STK39: variants seen among roughly 807,000 people sequenced by gnomAD.
The protein encoded by STK39 is STE20/SPS1-related proline-alanine-rich protein kinase.
Under a neutral mutation model 77.8 loss-of-function variants are expected in STK39, and 20 were observed. The observed-to-expected ratio is 0.26, with a 90% confidence interval of 0.18 to 0.37. The LOEUF is 0.37. Ranked by LOEUF, STK39 falls within the 10% of genes least tolerant of loss-of-function variation. The probability of loss-of-function intolerance (pLI) is 1.00; values close to 1 mark genes in which losing one functional copy is unlikely to be tolerated. For synonymous variants in STK39, 246 were observed against 234.1 expected, an observed-to-expected ratio of 1.05 and a Z score of -0.47; for missense variants, 479 against 656.5, an observed-to-expected ratio of 0.73 and a Z score of 2.95.
At chr2:168,049,170 G>C (rs1685328494) in intron 14 of STK39, among the ~76,000 whole-genome samples, 1 of 152,170 alleles carries the variant, frequency 6.6e-6, no homozygotes, top group Admixed American at 6.5e-5. Context: ...AAAGTGAACT[G>C]AAGAAGATGA....
intron 16 of STK39, among the ~76,000 whole-genome samples, chr2:167,970,523 A>C (rs912004204): frequency 2.0e-5 from 3 of 152,196 alleles, no homozygotes; most frequent in African/African-American, 7.2e-5. Context: ...AAGAACCCCA[A>C]ATTGAGACTC....
At chr2:168,051,783 G>A (rs559403617) in intron 14 of STK39, among the ~76,000 whole-genome samples, 16 of 152,092 alleles carry the variant, frequency 1.1e-4, no homozygotes, top group East Asian at 3.9e-4. Context: ...GTTGATATTG[G>A]CATTTGACTC....
At chr2:168,098,016 G>A (rs932566390) in intron 10 of STK39, among the ~76,000 whole-genome samples, 2 of 152,156 alleles carry the variant, frequency 1.3e-5, no homozygotes, top group African/African-American at 2.4e-5. Flanking sequence ...CATAGCAAAC[G>A]AACACTAACC....
At chr2:168,020,680 CATAT>C (rs1484244645) in intron 14 of STK39, among the ~76,000 whole-genome samples, 2 of 150,238 alleles carry the variant, frequency 1.3e-5, no homozygotes, top group East Asian at 1.9e-4. Flanking sequence ...TATTATATAT[CATAT>C]ATAATCTCAT....
intron 14 of STK39, among the ~76,000 whole-genome samples, chr2:168,021,140 T>C (rs942728064): frequency 1.3e-5 from 2 of 152,206 alleles, no homozygotes; most frequent in Admixed American, 6.5e-5. Context: ...TCCATCAGTC[T>C]TATTTAAATA....
At chr2:168,203,116 C>T (rs187062634) in intron 1 of STK39, among the ~76,000 whole-genome samples, 1 of 152,216 alleles carries the variant, frequency 6.6e-6, no homozygotes, top group East Asian at 1.9e-4. Flanking sequence ...TAGCATTTCC[C>T]CACATCTCCC....
chr2:168,033,854 C>G (rs1044598359), intron 14 of STK39, among the ~76,000 whole-genome samples: 1 of 152,130 alleles, frequency 6.6e-6, no homozygotes, highest in Non-Finnish European at 1.5e-5. Context: ...AAGTCTTTCT[C>G]TCTTCATCTA....
chr2:168,083,579 C>A (rs1372676573), intron 10 of STK39, among the ~76,000 whole-genome samples: 2 of 151,980 alleles, frequency 1.3e-5, no homozygotes, highest in Non-Finnish European at 2.9e-5. Context: ...TCATGGGAAT[C>A]TGCAGAAGAG....
At chr2:168,138,041 T>A in intron 8 of STK39, 47 bp downstream of exon 8, 1 of 1,583,674 alleles carries the variant, frequency 6.3e-7, no homozygotes, top group South Asian at 1.2e-5. Context: ...CAAAGCTTTG[T>A]CATGGCTCAA....
chr2:168,031,923 G>A (rs866618149), intron 14 of STK39, among the ~76,000 whole-genome samples: 10 of 152,028 alleles, frequency 6.6e-5, no homozygotes, highest in Admixed American at 2.0e-4. Flanking sequence ...ATTTGTTCTC[G>A]GCCTCTGGAA....
intron 1 of STK39, among the ~76,000 whole-genome samples, chr2:168,223,456 A>G (rs1690225889): frequency 6.8e-6 from 1 of 146,958 alleles, no homozygotes; most frequent in South Asian, 2.2e-4. Flanking sequence ...AGTTGTGGTG[A>G]GCCGAGATTG....
At chr2:168,217,655 C>T (rs1690059645) in intron 1 of STK39, among the ~76,000 whole-genome samples, 1 of 152,118 alleles carries the variant, frequency 6.6e-6, no homozygotes, top group South Asian at 2.1e-4. Flanking sequence ...TTCCTGTATA[C>T]TTTAATCATG....
chr2:168,130,172 A>G (rs1559111575), intron 8 of STK39, among the ~76,000 whole-genome samples: 1 of 152,242 alleles, frequency 6.6e-6, no homozygotes, highest in Non-Finnish European at 1.5e-5. Context: ...CCCCAAGAGC[A>G]GCAGGTACTG....
intron 10 of STK39, among the ~76,000 whole-genome samples, chr2:168,118,611 AAAAAAAAAAAAAC>A (rs1292360334): frequency 6.6e-6 from 1 of 151,436 alleles, no homozygotes; most frequent in Non-Finnish European, 1.5e-5. Flanking sequence ...TCAAAAAAAA[AAAAAAAAAAAAAC>A]AACAACTCAA....
intron 1 of STK39, among the ~76,000 whole-genome samples, chr2:168,225,829 T>C (rs1340865964): frequency 6.6e-6 from 1 of 152,180 alleles, no homozygotes; most frequent in Non-Finnish European, 1.5e-5. Context: ...TTGTGATTCC[T>C]TCCCAGGCAG....
intron 1 of STK39, among the ~76,000 whole-genome samples, chr2:168,233,681 T>C (rs897084549): frequency 6.6e-6 from 1 of 152,186 alleles, no homozygotes. Context: ...TGAAATTAAT[T>C]TTGGTACTAT....
intron 11 of STK39, 31 bp from the exon 12 acceptor site, chr2:168,075,042 T>C (rs779957790): frequency 1.2e-6 from 2 of 1,613,698 alleles, no homozygotes; most frequent in Admixed American, 1.7e-5. Flanking sequence ...CATTAATATA[T>C]ATACACACAC....
intron 10 of STK39, among the ~76,000 whole-genome samples, chr2:168,127,967 G>A (rs565957241): frequency 1.3e-5 from 2 of 152,206 alleles, no homozygotes; most frequent in Admixed American, 1.3e-4. Context: ...CTGAGGCTGG[G>A]GGGCTCGGAA....
chr2:168,040,727 C>T (rs1215193186), intron 14 of STK39, among the ~76,000 whole-genome samples: 3 of 152,120 alleles, frequency 2.0e-5, no homozygotes, highest in Non-Finnish European at 4.4e-5. Flanking sequence ...CTTTAATTGA[C>T]AAAATGTTTA....
Sources: gnomAD v4.1 joint callset for allele counts (sites outside exome capture counted in the v4.1 genomes callset) on GRCh38, gnomAD v4.1.1 for gene constraint, MANE v1.5 for transcripts, NCBI Gene and HGNC (gene_info 2026-07-23, HGNC 2026-07-21) for gene names.